The following VWDE variants were observed in gnomAD, a reference collection of about 807,000 sequenced individuals.
VWDE encodes the protein von Willebrand factor D and EGF domain-containing protein.
Under a neutral mutation model 178.4 loss-of-function variants are expected in VWDE, and 207 were observed. The ratio of observed to expected loss-of-function variants is 1.16; its 90% confidence interval spans 1.04 to 1.30. VWDE has a LOEUF of 1.30. Among genes scored for constraint, VWDE ranks in the 50% most tolerant of loss-of-function variants. The pLI, the probability that VWDE is intolerant of heterozygous loss-of-function variation, is 0.00. For missense variants in VWDE, 2,287 were observed against 1,901.3 expected (o/e 1.20, Z -3.77); for synonymous variants, 738 against 651.4 (o/e 1.13, Z -2.02).
At chr7:12,333,331 A>T in intron 28 of VWDE, 134 bp downstream of exon 28, 1 of 619,642 alleles carries the variant, frequency 1.6e-6, no homozygotes, top group Non-Finnish European at 2.7e-6. Context: ...TACAATTTTT[A>T]ATTTTAGAGG....
At chr7:12,380,365 A>G in intron 5 of VWDE, 121 bp downstream of exon 5, 10 of 1,342,704 alleles carry the variant, frequency 7.4e-6, no homozygotes, top group Non-Finnish European at 8.8e-6. Context: ...AAAAACAAAA[A>G]GAAAAATATT....
rs951906786 is a variant in VWDE, at chr7:12,344,662, C to T, written c.3887-193G>A. On this transcript the variant is annotated intron_variant, in intron 19 of 28. Transcript: ENST00000275358. ...AAGTTTAGTCTCAAACAAGCCAAAA[C>T]ACAAACAAAGCAAAACAGTAACACA... Among the ~76,000 whole-genome samples the T allele has an allele frequency of 2.6e-5, 4 of 152,062 alleles. No individual in the cohort carries two copies. In the South Asian group the frequency reaches 8.3e-4, roughly 32 times the overall value.
Position 12,370,253 on chromosome 7 carries a change from T to A in VWDE, c.2053A>T (p.Thr685Ser). The change falls in exon 12 of 29, where the codon ACA (threonine) becomes TCA (serine). Residue 685 changes from threonine to serine, a missense_variant. Thr to Ser is a moderately conservative substitution (Grantham distance 58). Transcript: ENST00000275358. ...DTLVREINKH[T>S]SPEEYNLNLF... ...TTTAGATTATATTCTTCTGGAGATG[T>A]ATGCTTGTTTATCTCTCTGACAAGA... The A allele has an allele frequency of 6.4e-7, 1 of 1,551,234 alleles. No individual in the cohort carries two copies. The highest frequency in any genetic ancestry group is 8.7e-7 in the Non-Finnish European group (1 of 1,146,868).
chr7:12,361,384 A>G lies in VWDE; in HGVS notation c.3036T>C (p.Thr1012=). ...DTMDLVGGKP[T]GKWQLKVSND... ...TTTTTACCTTCAACTGCCACTTCCC[A>G]GTTGGTTTCCCACCCACCAGATCCA... Residue 1012 remains threonine, a synonymous_variant, in exon 14 of 29, where the codon ACT becomes ACC. Coordinates refer to ENST00000275358, the MANE Select transcript of VWDE (RefSeq NM_001135924.3). 6.5e-7 allele frequency: 1 copy of G among 1,549,356 alleles called. No individual in the cohort carries two copies. Among genetic ancestry groups the G allele is most frequent in the African/African-American group, 1.4e-5 (1 of 73,044 alleles).
chr7:12,354,212 C>T (rs1455111164), intron 18 of VWDE: 3 of 277,090 alleles, frequency 1.1e-5, no homozygotes, highest in Non-Finnish European at 2.1e-5. Context: ...ATTTTTGCAT[C>T]CTTTGTATCT....
intron 1 of VWDE, 101 bp downstream of exon 1, chr7:12,403,558 A>T: frequency 8.5e-7 from 1 of 1,177,132 alleles, no homozygotes; most frequent in Non-Finnish European, 1.2e-6. Context: ...CTTAAAACGC[A>T]CAGGGACGCT....
chr7:12,380,525 A>G lies in VWDE; in HGVS notation c.750T>C (p.Leu250=). ...TGAGATTTATGCCATCAAGTTCTAA[A>G]AGAGAGAATGCCTGAACTGTGGTCT... is the stretch of plus-strand genomic sequence containing the variant. The part of the protein sequence containing the change: ...TQETTVQAFS[L]LELDGINLRL... Residue 250 remains leucine, a synonymous_variant, in exon 5 of 29, where the codon CTT becomes CTC. Coordinates refer to ENST00000275358, the MANE Select transcript of VWDE (RefSeq NM_001135924.3). 1.3e-6 allele frequency: 2 copies of G among 1,551,906 alleles called. No homozygotes were observed. The highest frequency in any genetic ancestry group is 1.7e-6 in the Non-Finnish European group (2 of 1,147,026).
chr7:12,391,872 GC>G (rs1163346798), intron 2 of VWDE, among the ~76,000 whole-genome samples: 2 of 152,114 alleles, frequency 1.3e-5, no homozygotes, highest in Non-Finnish European at 2.9e-5. Flanking sequence ...CTCTCCAGGG[GC>G]CAATGGTAGT....
intron 10 of VWDE, 63 bp downstream of exon 10, chr7:12,372,914 A>G: frequency 2.1e-6 from 3 of 1,431,632 alleles, no homozygotes; most frequent in Non-Finnish European, 2.8e-6. Context: ...CTAATTTAAT[A>G]GAGATGTTTA....
At chr7:12,358,380 T>G (rs71529344) in intron 16 of VWDE, among the ~76,000 whole-genome samples, 1 of 149,804 alleles carries the variant, frequency 6.7e-6, no homozygotes, top group Non-Finnish European at 1.5e-5. Flanking sequence ...TCTCAAAAAA[T>G]AAAAGGTGGG....
At chr7:12,387,282 A>C (rs1022331430) in intron 3 of VWDE, among the ~76,000 whole-genome samples, 6 of 152,090 alleles carry the variant, frequency 3.9e-5, no homozygotes, top group Non-Finnish European at 8.8e-5. Context: ...TTGGAAATAA[A>C]ACAGTAGTTA....
At chr7:12,389,040 A>C (rs1784241763) in intron 3 of VWDE, 87 bp downstream of exon 3, 5 of 944,878 alleles carry the variant, frequency 5.3e-6, no homozygotes. Context: ...TGAGATTTGC[A>C]CTAACTCAAT....
chr7:12,350,999 G>A (rs1781900626), intron 19 of VWDE, among the ~76,000 whole-genome samples: 1 of 152,086 alleles, frequency 6.6e-6, no homozygotes, highest in South Asian at 2.1e-4. Flanking sequence ...ATTCAGTAAG[G>A]TGACAACACC....
intron 4 of VWDE, among the ~76,000 whole-genome samples, chr7:12,382,812 A>G (rs1583336675): frequency 6.6e-6 from 1 of 151,984 alleles, no homozygotes; most frequent in African/African-American, 2.4e-5. Context: ...CATACATTTT[A>G]TCACTTAGAT....
chr7:12,336,379 A>G (rs770817266), intron 26 of VWDE, 143 bp from the exon 27 acceptor site: 29 of 687,716 alleles, frequency 4.2e-5, no homozygotes, highest in Non-Finnish European at 6.7e-5. Context: ...TATTTTATCA[A>G]GAACATTTTT....
Position 12,380,350 on chromosome 7 carries a change from GA to G in VWDE, c.789+135del, listed in dbSNP as rs140551131. 3,664 of 1,126,760 alleles carry G rather than the reference GA, an allele frequency of 3.3e-3. 19 individuals are homozygous for G. The highest frequency in any genetic ancestry group is 6.6e-3 in the Middle Eastern group (22 of 3,334). The allele number at this position is 1,126,760 out of a possible 1,614,324, so 69.8% of individuals were successfully genotyped here. A position where few individuals can be genotyped will look rare whatever the true frequency, so the allele number is the denominator to read the frequency against. On this transcript the variant is annotated intron_variant, in intron 5 of 28. Transcript: ENST00000275358. ...TCACGAGAATTAGCACAATTGCAAG[GA>G]AAAAAAAACAAAAAGAAAAATATTA...
Position 12,370,500 on chromosome 7 carries a change from T to A in VWDE, c.1806A>T (p.Pro602=), listed in dbSNP as rs1237817047. The part of the protein sequence containing the change: ...VAFINEWRIL[P]GKSMSDTLPV... ...GCAGTGTGTCAGACATGCTTTTTCC[T>A]GGTAAAATCCTTCCAGATGGAAAAC... Residue 602 remains proline (P), a synonymous_variant, in exon 12 of 29, where the codon CCA becomes CCT. Transcript: ENST00000275358. 3.3e-6 allele frequency: 5 copies of A among 1,536,370 alleles called. No homozygotes were observed. Among genetic ancestry groups the A allele is most frequent in the African/African-American group, 2.7e-5 (2 of 72,776 alleles).
intron 2 of VWDE, among the ~76,000 whole-genome samples, chr7:12,393,059 T>A (rs1784459929): frequency 6.6e-6 from 1 of 152,192 alleles, no homozygotes; most frequent in East Asian, 1.9e-4. Flanking sequence ...CCTGGAGATT[T>A]CACTGCCAGG....
intron 12 of VWDE, among the ~76,000 whole-genome samples, chr7:12,367,890 G>A (rs776164888): frequency 4.6e-5 from 7 of 152,028 alleles, no homozygotes; most frequent in Non-Finnish European, 1.5e-5. Flanking sequence ...AGTTAGTAAT[G>A]CAATGTATTA....
Sources: allele counts gnomAD v4.1 joint callset (sites outside exome capture counted in the v4.1 genomes callset), GRCh38; gene constraint gnomAD v4.1.1; transcripts MANE v1.5; gene names NCBI Gene and HGNC (gene_info 2026-07-23, HGNC 2026-07-21).